Variants in PRR5L observed in about 807,000 individuals in gnomAD.
The protein encoded by PRR5L is proline-rich protein 5-like.
PRR5L carries 21 observed loss-of-function variants against 36.4 expected under a neutral mutation model. That is an observed-to-expected ratio of 0.58 (90% CI 0.41 to 0.83). The LOEUF (loss-of-function observed/expected upper bound fraction) is 0.83, where lower values mean the gene tolerates loss of function less well. Among genes scored for constraint, PRR5L ranks in the 40% least tolerant of loss-of-function variants. The probability of loss-of-function intolerance (pLI) is 0.00; values close to 1 mark genes in which losing one functional copy is unlikely to be tolerated. For missense variants in PRR5L, 381 were observed against 473.3 expected (o/e 0.80, Z 1.81); for synonymous variants, 188 against 197.0 (o/e 0.95, Z 0.38).
chr11:36,303,162 C>T (rs923946649), intron 1 of PRR5L, among the ~76,000 whole-genome samples: 4 of 152,120 alleles, frequency 2.6e-5, no homozygotes, highest in East Asian at 1.9e-4. Flanking sequence ...AGGAAGCAAC[C>T]GTACACATCC....
chr11:36,309,655 A>ATTGGGGATGATGG (rs1856476669), intron 1 of PRR5L, among the ~76,000 whole-genome samples: 15 of 27,020 alleles, frequency 5.6e-4, no homozygotes, highest in South Asian at 1.3e-3. Flanking sequence ...GGGGATGATG[A>ATTGGGGATGATGG]TGGTGGTGGT....
chr11:36,436,926 C>T (rs1858617050), intron 5 of PRR5L, among the ~76,000 whole-genome samples: 4 of 152,178 alleles, frequency 2.6e-5, no homozygotes, highest in African/African-American at 9.7e-5. Flanking sequence ...TGTCAGCTCC[C>T]TTTTCTGGAT....
At chr11:36,339,754 G>T (rs1237767190) in intron 1 of PRR5L, among the ~76,000 whole-genome samples, 1 of 152,186 alleles carries the variant, frequency 6.6e-6, no homozygotes, top group East Asian at 1.9e-4. Flanking sequence ...GAAAACAATG[G>T]TGGTCTCATA....
intron 3 of PRR5L, among the ~76,000 whole-genome samples, chr11:36,417,246 C>T (rs1858164191): frequency 6.6e-6 from 1 of 152,174 alleles, no homozygotes; most frequent in Non-Finnish European, 1.5e-5. Context: ...CAAAGCTTGG[C>T]TTCTTCACCT....
At chr11:36,384,654 T>G (rs557620225) in intron 1 of PRR5L, among the ~76,000 whole-genome samples, 1 of 107,020 alleles carries the variant, frequency 9.3e-6, no homozygotes, top group East Asian at 3.1e-4. Context: ...TCTTTTCTTT[T>G]TCTCTCTTCT....
Position 36,462,465 on chromosome 11 carries a change from C to T in PRR5L, c.836C>T (p.Ala279Val). 6.2e-7 allele frequency: 1 copy of T among 1,608,182 alleles called. No individual in the cohort carries two copies. The highest frequency in any genetic ancestry group is 8.5e-7 in the Non-Finnish European group (1 of 1,176,878). Residue 279 changes from alanine (A) to valine (V), a missense_variant, in exon 9 of 9, where the codon GCC becomes GTC. By Grantham distance (64) the Ala-to-Val change is moderately conservative (BLOSUM62 0). Coordinates refer to ENST00000530639, the MANE Select transcript of PRR5L (RefSeq NM_001160167.2). The part of the protein sequence containing the change: ...LTPLTEQEGE[A>V]YLEKCGSVRR... ...CCACTGACAGAGCAGGAGGGGGAAG[C>T]CTACCTGGAGAAGTGTGGCAGCGTG...
intron 1 of PRR5L, among the ~76,000 whole-genome samples, chr11:36,313,256 T>A (rs1482934212): frequency 6.6e-6 from 1 of 152,208 alleles, no homozygotes; most frequent in Non-Finnish European, 1.5e-5. Context: ...GAAATGTACC[T>A]AAAGTTTCCC....
chr11:36,351,316 A>ATT (rs1203457411), intron 1 of PRR5L, among the ~76,000 whole-genome samples: 1,825 of 73,276 alleles, frequency 0.025, 98 homozygotes, highest in East Asian at 0.18. Flanking sequence ...ATTTATATAT[A>ATT]TTTATAAATA....
chr11:36,398,876 T>C (rs1487146282), intron 1 of PRR5L: 3 of 152,260 alleles, frequency 2.0e-5, no homozygotes, highest in Admixed American at 6.5e-5. Flanking sequence ...TCTACTTCCC[T>C]GTACCAGTGC....
intron 1 of PRR5L, among the ~76,000 whole-genome samples, chr11:36,381,954 C>G (rs186236896): frequency 2.0e-5 from 3 of 151,854 alleles, no homozygotes; most frequent in South Asian, 2.1e-4. Context: ...GTCAGGAGAT[C>G]GAGACCATCC....
chr11:36,401,068 G>A lies in PRR5L; in HGVS notation c.-54G>A. 1 of 1,589,598 alleles carries A rather than the reference G, an allele frequency of 6.3e-7. No individual in the cohort carries two copies. On this transcript the variant is annotated 5_prime_UTR_variant, in exon 2 of 9. Transcript: ENST00000530639. ...CAGCCCCTGGAGAAGCCCTTTCCGA[G>A]GGCATTCGGAACCTTCTGGTCCTAG...
intron 1 of PRR5L, among the ~76,000 whole-genome samples, chr11:36,400,749 C>A (rs1402396112): frequency 6.6e-6 from 1 of 152,214 alleles, no homozygotes; most frequent in Admixed American, 6.5e-5. Flanking sequence ...GCTTAGAAAT[C>A]ATTTTTCTGC....
intron 1 of PRR5L, among the ~76,000 whole-genome samples, chr11:36,353,719 C>T (rs1565411069): frequency 1.3e-5 from 2 of 152,136 alleles, no homozygotes; most frequent in Admixed American, 6.5e-5. Context: ...ATAGGGTTAG[C>T]GCTCCTATAA....
intron 6 of PRR5L, among the ~76,000 whole-genome samples, chr11:36,439,505 C>T (rs1858676276): frequency 6.6e-6 from 1 of 152,176 alleles, no homozygotes; most frequent in Non-Finnish European, 1.5e-5. Context: ...CTTCTCTTCT[C>T]GAGTTTGCCA....
chr11:36,301,962 A>G (rs1472350331), intron 1 of PRR5L, among the ~76,000 whole-genome samples: 2 of 152,212 alleles, frequency 1.3e-5, no homozygotes, highest in African/African-American at 4.8e-5. Context: ...TTTACTTGGA[A>G]ACAAATAAAT....
chr11:36,362,496 C>A (rs1328694164), intron 1 of PRR5L, among the ~76,000 whole-genome samples: 1 of 152,028 alleles, frequency 6.6e-6, no homozygotes, highest in African/African-American at 2.4e-5. Flanking sequence ...GAGACAGTAT[C>A]TTTACCCCAG....
At chr11:36,445,445 G>A (rs1034340593) in intron 6 of PRR5L, among the ~76,000 whole-genome samples, 3 of 152,118 alleles carry the variant, frequency 2.0e-5, no homozygotes, top group African/African-American at 7.2e-5. Flanking sequence ...CTGTGAAATG[G>A]GTTTGGCTCT....
Position 36,452,430 on chromosome 11 carries a change from G to T in PRR5L, c.712+1095G>T, listed in dbSNP as rs115092325. Reference sequence around the variant, plus strand: ...GCCAGCTGGCAGTTTTCACCACCCTGCTCATGTTTTTCTGGAGACACCAGC... The same window carrying T: ...GCCAGCTGGCAGTTTTCACCACCCTTCTCATGTTTTTCTGGAGACACCAGC... On this transcript the variant is annotated intron_variant, in intron 8 of 8. Coordinates refer to ENST00000530639, the MANE Select transcript of PRR5L (RefSeq NM_001160167.2). 2.6e-3 allele frequency among the ~76,000 whole-genome samples: 397 copies of T among 152,336 alleles called. 1 individual carries two copies. The highest frequency in any genetic ancestry group is 9.3e-3 in the African/African-American group (387 of 41,586).
intron 1 of PRR5L, among the ~76,000 whole-genome samples, chr11:36,341,359 G>A (rs758273334): frequency 2.6e-5 from 4 of 152,256 alleles, no homozygotes; most frequent in Middle Eastern, 3.4e-3. Flanking sequence ...AGGGGGTGAC[G>A]GCTGTCCAAA....
Sources: gnomAD v4.1 joint callset for allele counts (sites outside exome capture counted in the v4.1 genomes callset) on GRCh38, gnomAD v4.1.1 for gene constraint, MANE v1.5 for transcripts, NCBI Gene and HGNC (gene_info 2026-07-23, HGNC 2026-07-21) for gene names.